TAF2: variants seen among roughly 807,000 people sequenced by gnomAD.
The protein encoded by TAF2 is transcription initiation factor TFIID subunit 2.
TAF2 carries 61 observed loss-of-function variants against 138.5 expected under a neutral mutation model. That is an observed-to-expected ratio of 0.44 (90% CI 0.36 to 0.54). The LOEUF is 0.54. TAF2 is among the 20% of genes least tolerant of loss of function. The pLI, the probability that TAF2 is intolerant of heterozygous loss-of-function variation, is 0.00. For missense variants in TAF2, 1,090 were observed against 1,427.9 expected (o/e 0.76, Z 3.81); for synonymous variants, 475 against 469.9 (o/e 1.01, Z -0.14).
intron 18 of TAF2, among the ~76,000 whole-genome samples, chr8:119,765,349 G>A (rs1240663902): frequency 2.0e-5 from 3 of 152,054 alleles, no homozygotes; most frequent in Non-Finnish European, 4.4e-5. Flanking sequence ...CAGGAGTCAA[G>A]AAAACAAAAC....
chr8:119,797,582 T>A, intron 7 of TAF2, 80 bp downstream of exon 7: 1 of 1,444,978 alleles, frequency 6.9e-7, no homozygotes, highest in Non-Finnish European at 9.6e-7. Flanking sequence ...AAGCTCGTCT[T>A]AAAATTGACC....
chr8:119,798,037 T>C (rs1224665324), intron 6 of TAF2, among the ~76,000 whole-genome samples, 191 bp from the exon 7 acceptor site: 2 of 152,160 alleles, frequency 1.3e-5, no homozygotes, highest in Non-Finnish European at 2.9e-5. Context: ...ATTAACTACT[T>C]AAAAATTAAA....
intron 18 of TAF2, among the ~76,000 whole-genome samples, chr8:119,769,126 G>A (rs993671938): frequency 6.6e-6 from 1 of 152,188 alleles, no homozygotes; most frequent in African/African-American, 2.4e-5. Context: ...CAAAGATCAA[G>A]TACATACCCA....
In TAF2 at chr8:119,778,045, TG is replaced by T; in HGVS notation, c.2337del (p.Lys780SerfsTer19). On this transcript the variant is annotated frameshift_variant, in exon 18 of 26. Coordinates refer to ENST00000378164, the MANE Select transcript of TAF2 (RefSeq NM_003184.4). LOFTEE classifies it high-confidence loss of function. ...KEVLTFILDL[I>X]KYNDNRKNKF... ...TTATTTTTCCTGTTGTCATTGTACT[TG>T]ATTAAGTCTAAAATAAATGTTAAGA... 6.4e-7 allele frequency: 1 copy of T among 1,562,020 alleles called. No individual in the cohort carries two copies. The highest frequency in any genetic ancestry group is 8.8e-7 in the Non-Finnish European group (1 of 1,137,114).
At chr8:119,773,405 T>C (rs907903395) in intron 18 of TAF2, among the ~76,000 whole-genome samples, 2 of 151,524 alleles carry the variant, frequency 1.3e-5, no homozygotes, top group Admixed American at 6.8e-5. Flanking sequence ...CTACAATTAT[T>C]TTCCCAACCC....
chr8:119,807,563 C>T (rs1309131953), intron 3 of TAF2, among the ~76,000 whole-genome samples: 2 of 152,196 alleles, frequency 1.3e-5, no homozygotes, highest in East Asian at 1.9e-4. Context: ...GCCATCCTGC[C>T]GTTAGGTGTA....
intron 3 of TAF2, among the ~76,000 whole-genome samples, chr8:119,807,465 GA>G (rs1824739572): frequency 6.6e-6 from 1 of 152,080 alleles, no homozygotes; most frequent in Admixed American, 6.5e-5. Context: ...TGAAAGACAG[GA>G]AAAAGATACG....
chr8:119,822,972 G>A (rs766683348), intron 2 of TAF2, among the ~76,000 whole-genome samples: 1 of 151,926 alleles, frequency 6.6e-6, no homozygotes, highest in Non-Finnish European at 1.5e-5. Flanking sequence ...TCTGTTTCAC[G>A]TACCCATCTT....
intron 19 of TAF2, among the ~76,000 whole-genome samples, chr8:119,762,129 T>C (rs770876607): frequency 5.3e-5 from 8 of 152,142 alleles, no homozygotes; most frequent in Non-Finnish European, 1.2e-4. Flanking sequence ...ATCAAAGCAA[T>C]GCTTATGAAG....
At chr8:119,781,232 A>T in intron 16 of TAF2, 39 bp from the exon 17 acceptor site, 1 of 1,611,642 alleles carries the variant, frequency 6.2e-7, no homozygotes, top group South Asian at 1.1e-5. Context: ...TCCATTACCA[A>T]TGCAAACATA....
intron 18 of TAF2, among the ~76,000 whole-genome samples, chr8:119,774,430 G>C (rs1822073491): frequency 6.6e-6 from 1 of 151,636 alleles, no homozygotes; most frequent in South Asian, 2.1e-4. Flanking sequence ...GCCCAGAACA[G>C]CTATGAATGT....
At chr8:119,799,066 C>T (rs542102894) in intron 6 of TAF2, among the ~76,000 whole-genome samples, 3 of 152,104 alleles carry the variant, frequency 2.0e-5, no homozygotes, top group East Asian at 3.9e-4. Context: ...CTATCATTTG[C>T]CTTGTTCCTA....
At chr8:119,791,285 T>C in intron 11 of TAF2, 39 bp downstream of exon 11, 1 of 1,606,440 alleles carries the variant, frequency 6.2e-7, no homozygotes, top group Non-Finnish European at 8.5e-7. Flanking sequence ...CATACAGATC[T>C]TTATTTACCA....
At chr8:119,736,740 CTA>C (rs1184736469) in intron 25 of TAF2, among the ~76,000 whole-genome samples, 8 of 152,134 alleles carry the variant, frequency 5.3e-5, no homozygotes, top group Non-Finnish European at 1.0e-4. Context: ...GTTTGAACAT[CTA>C]TAGTGGTTAA....
chr8:119,737,875 T>C (rs928976414), intron 25 of TAF2, among the ~76,000 whole-genome samples: 2 of 152,226 alleles, frequency 1.3e-5, no homozygotes, highest in Admixed American at 6.5e-5. Flanking sequence ...CATGCCTATA[T>C]TCCTTTAGAA....
chr8:119,829,304 G>A (rs1826291720), intron 2 of TAF2, among the ~76,000 whole-genome samples: 1 of 152,088 alleles, frequency 6.6e-6, no homozygotes, highest in African/African-American at 2.4e-5. Flanking sequence ...CAGGCTGCAG[G>A]TAAGCAGTAG....
Position 119,742,611 on chromosome 8 carries a change from G to A in TAF2, c.3260C>T (p.Pro1087Leu). 1.9e-6 allele frequency: 3 copies of A among 1,613,916 alleles called. No homozygotes were observed. Among genetic ancestry groups the A allele is most frequent in the Middle Eastern group, 1.7e-4 (1 of 6,058 alleles). The change falls in exon 25 of 26, where the codon CCC (proline) becomes CTC (leucine). Residue 1087 changes from proline (P) to leucine (L), a missense_variant. Pro to Leu is a moderately conservative substitution (Grantham distance 98). Coordinates refer to ENST00000378164, the MANE Select transcript of TAF2 (RefSeq NM_003184.4). Reference protein sequence around the residue: ...RPASSRSALIPQHSAGCDSTP... With the variant: ...RPASSRSALILQHSAGCDSTP... ...GCTGTCACAGCCTGCTGAGTGCTGG[G>A]GTATTAAAGCAGATCGGGAGCTAGC...
intron 22 of TAF2, among the ~76,000 whole-genome samples, chr8:119,753,437 C>A (rs1820492653): frequency 6.6e-6 from 1 of 152,084 alleles, no homozygotes; most frequent in Non-Finnish European, 1.5e-5. Context: ...ATCTATTGTC[C>A]AATGTTCTAT....
Position 119,795,530 on chromosome 8 carries a change from A to G in TAF2, c.1191+2T>C. ...GTGGATAAGGGATCTAGCTGTTATT[A>G]CCTCTTTAATCCAATGGCGGTACTC... On this transcript the variant is annotated splice_donor_variant, in intron 9 of 25. Coordinates refer to ENST00000378164, the MANE Select transcript of TAF2 (RefSeq NM_003184.4). LOFTEE classifies it high-confidence loss of function. The G allele has an allele frequency of 6.2e-7, 1 of 1,611,150 alleles. No individual in the cohort carries two copies. Among genetic ancestry groups the G allele is most frequent in the Non-Finnish European group, 8.5e-7 (1 of 1,177,454 alleles).
Sources: allele counts gnomAD v4.1 joint callset (sites outside exome capture counted in the v4.1 genomes callset), GRCh38; gene constraint gnomAD v4.1.1; transcripts MANE v1.5; gene names NCBI Gene and HGNC (gene_info 2026-07-23, HGNC 2026-07-21).